The following LRRC37B variants were observed in gnomAD, a reference collection of about 807,000 sequenced individuals.
The protein encoded by LRRC37B is leucine-rich repeat-containing protein 37B.
In LRRC37B, 28 loss-of-function variants were observed where a neutral mutation model predicts 98.3. That is an observed-to-expected ratio of 0.28 (90% CI 0.21 to 0.39). The LOEUF (loss-of-function observed/expected upper bound fraction) is 0.39. Among genes scored for constraint, LRRC37B ranks in the 10% least tolerant of loss-of-function variants. LRRC37B has a pLI of 1.00. For synonymous variants in LRRC37B, 364 were observed against 442.7 expected, an observed-to-expected ratio of 0.82 and a Z score of 2.23; for missense variants, 938 against 1,182.7, an observed-to-expected ratio of 0.79 and a Z score of 3.03.
Position 32,045,552 on chromosome 17 carries a change from A to G in LRRC37B, c.2205-148A>G, listed in dbSNP as rs1249249552. On this transcript the variant is annotated intron_variant, in intron 7 of 11. Coordinates refer to ENST00000327564, the Ensembl canonical transcript of LRRC37B. The stretch of plus-strand genomic sequence containing the variant: ...GTTGGGCACCTGTGTCCTCCTTCCC[A>G]TTGGCCTTCTGGTTCCTACCCAAGT... 5 of 806,088 alleles carry G rather than the reference A, an allele frequency of 6.2e-6. No homozygotes were observed. The Middle Eastern group carries it at 1.1e-3, about 179-fold the overall frequency. 49.9% of individuals were successfully genotyped at this position (806,088 alleles called of 1,614,324 possible).
intron 1 of LRRC37B, among the ~76,000 whole-genome samples, chr17:32,009,643 A>AT (rs1169586026): frequency 1.3e-5 from 2 of 150,390 alleles, no homozygotes; most frequent in Non-Finnish European, 3.0e-5. Flanking sequence ...CTTTTATTTT[A>AT]TTTTTTTAAG....
intron 7 of LRRC37B, among the ~76,000 whole-genome samples, chr17:32,037,165 G>A (rs71375497): frequency 1.3e-5 from 2 of 151,794 alleles, no homozygotes; most frequent in African/African-American, 4.8e-5. Context: ...ATTTTTAGTA[G>A]AGATAGGGTT....
At chr17:32,039,199 A>T (rs558658823) in intron 7 of LRRC37B, among the ~76,000 whole-genome samples, 1 of 150,470 alleles carries the variant, frequency 6.6e-6, no homozygotes, top group Non-Finnish European at 1.5e-5. Flanking sequence ...CTGGTTTCGA[A>T]CTCCTGGCCT....
intron 1 of LRRC37B, among the ~76,000 whole-genome samples, chr17:32,012,480 G>T (rs2142235165): frequency 6.6e-6 from 1 of 152,238 alleles, no homozygotes; most frequent in South Asian, 2.1e-4. Context: ...ACTTTGGGAG[G>T]CCAAGGCGGG....
intron 1 of LRRC37B, among the ~76,000 whole-genome samples, chr17:32,011,381 T>C (rs1473955499): frequency 1.3e-5 from 2 of 152,178 alleles, no homozygotes; most frequent in African/African-American, 4.8e-5. Context: ...TCTTTTCAAA[T>C]AGAGATGAGG....
At chr17:32,035,757 G>A in intron 7 of LRRC37B, 118 bp downstream of exon 10, 2 of 1,122,852 alleles carry the variant, frequency 1.8e-6, no homozygotes, top group Admixed American at 5.2e-5. Flanking sequence ...CCCTTTATAA[G>A]TGTATAGTTT....
At chr17:32,049,189 G>A (rs1253237334) in exon 10 of LRRC37B, 23 of 1,614,060 alleles carry the variant, frequency 1.4e-5, no homozygotes, top group East Asian at 2.2e-5. Context: ...CATGTTATCC[G>A]GACCTTGAAA....
chr17:32,031,779 G>T (rs1314750943), intron 5 of LRRC37B, among the ~76,000 whole-genome samples: 1 of 151,330 alleles, frequency 6.6e-6, no homozygotes, highest in Non-Finnish European at 1.5e-5. Context: ...TGAGGGGGGC[G>T]GATCACCTGA....
chr17:32,053,078 C>T, intron 11 of LRRC37B, 188 bp from the exon 15 acceptor site: 1 of 604,412 alleles, frequency 1.7e-6, no homozygotes. Context: ...AACCAGTCCT[C>T]TGCAAGGTAG....
At chr17:32,021,541 C>G (rs773659592) in exon 1 of LRRC37B, 16 of 1,613,908 alleles carry the variant, frequency 9.9e-6, no homozygotes, top group Admixed American at 1.7e-5. Context: ...GAAAGGCTCC[C>G]AGAGGTGGTT....
intron 2 of LRRC37B, among the ~76,000 whole-genome samples, chr17:32,027,274 G>C (rs1910981601): frequency 6.6e-6 from 1 of 152,080 alleles, no homozygotes; most frequent in African/African-American, 2.4e-5. Flanking sequence ...CTAGAGAGGA[G>C]TCATTAAAGA....
chr17:32,022,491 C>A (rs754579714), exon 1 of LRRC37B: 4 of 1,613,152 alleles, frequency 2.5e-6, no homozygotes, highest in South Asian at 1.1e-5. Context: ...GCCTCCAGAC[C>A]CGGGGCTTGC....
chr17:32,015,419 T>TTCTC (rs1910628326), intron 1 of LRRC37B, among the ~76,000 whole-genome samples: 1 of 152,238 alleles, frequency 6.6e-6, no homozygotes, highest in African/African-American at 2.4e-5. Flanking sequence ...TAGATTTTAT[T>TTCTC]AGTTCTGGAG....
rs916873155 is a variant in LRRC37B at position 32,024,603 on chromosome 17, G to T, written c.1761-108G>T. ...TAGCTCTGGAAATGAGAAAGCAGGT[G>T]TTATTTTCTGTTTCCGAATATCCCC... On this transcript the variant is annotated intron_variant, in intron 1 of 11. Transcript: ENST00000327564. The T allele has an allele frequency of 4.8e-5, 76 of 1,587,460 alleles. No homozygotes were observed. The Middle Eastern group carries it at 9.2e-4, about 19-fold the overall frequency.
In LRRC37B at chr17:32,040,526, A is replaced by G. The variant is rs201688916; in HGVS notation, c.2204+4887A>G. The G allele has an allele frequency of 7.3e-5, 53 of 726,152 alleles. No homozygotes were observed. In the East Asian group the frequency reaches 1.2e-3, roughly 16 times the overall value. 45.0% of individuals were successfully genotyped at this position (726,152 alleles called of 1,614,324 possible). A position where few individuals can be genotyped will look rare whatever the true frequency, so the allele number is the denominator to read the frequency against. On this transcript the variant is annotated intron_variant, in intron 7 of 11. Transcript: ENST00000327564. Reference sequence around the variant, plus strand: ...GGGGCTGAGGGGACCAAGCTGGACGATGACTTCAAAGAGATGGAGATGTCA... The same window carrying G: ...GGGGCTGAGGGGACCAAGCTGGACGGTGACTTCAAAGAGATGGAGATGTCA...
chr17:32,019,394 C>T (rs1253923805), upstream of LRRC37B, among the ~76,000 whole-genome samples: 1 of 152,170 alleles, frequency 6.6e-6, no homozygotes, highest in Admixed American at 6.5e-5. Flanking sequence ...TAGGCTACAC[C>T]ACCTATGTTT....
intron 7 of LRRC37B, among the ~76,000 whole-genome samples, chr17:32,039,682 A>C (rs1432842515): frequency 2.0e-5 from 3 of 146,590 alleles, no homozygotes; most frequent in East Asian, 4.0e-4. Flanking sequence ...TGCCACCACC[A>C]CCCCCCACAA....
intron 10 of LRRC37B, among the ~76,000 whole-genome samples, chr17:32,049,741 C>T (rs1239006986): frequency 6.6e-6 from 1 of 152,118 alleles, no homozygotes; most frequent in Admixed American, 6.5e-5. Flanking sequence ...GTGACACGTG[C>T]CTGTAGCCCC....
At chr17:32,045,643 T>C in intron 7 of LRRC37B, 57 bp from the exon 11 acceptor site, 2 of 1,592,638 alleles carry the variant, frequency 1.3e-6, no homozygotes, top group African/African-American at 2.7e-5. Context: ...CTGCCTCCTT[T>C]ACCTACTCAA....
Sources: gnomAD v4.1 joint callset for allele counts (sites outside exome capture counted in the v4.1 genomes callset) on GRCh38, gnomAD v4.1.1 for gene constraint, MANE v1.5 for transcripts, NCBI Gene and HGNC (gene_info 2026-07-23, HGNC 2026-07-21) for gene names.